Variants in DLG2 observed in about 807,000 individuals in gnomAD.
DLG2 encodes the protein discs large MAGUK scaffold protein 2.
In DLG2, 45 loss-of-function variants were observed where a neutral mutation model predicts 132.5. That is an observed-to-expected ratio of 0.34 (90% confidence interval 0.27 to 0.44). The LOEUF is 0.44. Ranked by LOEUF, DLG2 falls within the 20% of genes least tolerant of loss-of-function variation. The pLI, the probability that DLG2 is intolerant of heterozygous loss-of-function variation, is 1.00. For missense variants in DLG2, 1,045 were observed against 1,196.9 expected (o/e 0.87, Z 1.87); for synonymous variants, 424 against 419.6 (o/e 1.01, Z -0.13).
At chr11:84,955,376 GC>G (rs2051512612) in intron 6 of DLG2, 1 of 152,112 alleles carries the variant, frequency 6.6e-6, no homozygotes, top group African/African-American at 2.4e-5. Context: ...TAAGTAACTG[GC>G]CCAAGATTAC....
chr11:85,008,822 A>G (rs1164087016), intron 6 of DLG2, among the ~76,000 whole-genome samples: 1 of 152,132 alleles, frequency 6.6e-6, no homozygotes, highest in Non-Finnish European at 1.5e-5. Context: ...CAAATAAACA[A>G]GAACATTTCA....
chr11:83,522,381 G>A (rs1035449063), intron 21 of DLG2, among the ~76,000 whole-genome samples: 2 of 152,004 alleles, frequency 1.3e-5, no homozygotes, highest in Non-Finnish European at 2.9e-5. Flanking sequence ...ATTCATCTAC[G>A]TCTCCACCCA....
Position 84,163,480 on chromosome 11 carries a change from T to G in DLG2, c.605A>C (p.Glu202Ala). 6.2e-7 allele frequency: 1 copy of G among 1,607,294 alleles called. No individual in the cohort carries two copies. Among genetic ancestry groups the G allele is most frequent in the Non-Finnish European group, 8.5e-7 (1 of 1,177,618 alleles). ...VNGTEIEYEFEEITLERGNSG... is the reference protein window; with the variant it reads ...VNGTEIEYEFAEITLERGNSG... ...TCTTACCCTCTCCAGTGTAATTTCT[T>G]CAAATTCATATTCAATTTCTGTCCC... Residue 202 changes from glutamate to alanine, a missense_variant, in exon 9 of 28, where the codon GAA becomes GCA. Coordinates refer to ENST00000376104, the MANE Select transcript of DLG2 (RefSeq NM_001142699.3).
At chr11:85,581,421 G>A (rs1590985090) in intron 3 of DLG2, among the ~76,000 whole-genome samples, 1 of 151,610 alleles carries the variant, frequency 6.6e-6, no homozygotes, top group Non-Finnish European at 1.5e-5. Flanking sequence ...ACCAGCCTGG[G>A]CAACATGGTG....
At chr11:84,276,240 G>A (rs2097782104) in intron 7 of DLG2, among the ~76,000 whole-genome samples, 1 of 152,088 alleles carries the variant, frequency 6.6e-6, no homozygotes, top group Non-Finnish European at 1.5e-5. Flanking sequence ...TTTGAAATAG[G>A]CACATTGATA....
intron 17 of DLG2, among the ~76,000 whole-genome samples, chr11:83,795,600 C>T (rs1364495933): frequency 6.6e-6 from 1 of 152,074 alleles, no homozygotes; most frequent in East Asian, 1.9e-4. Flanking sequence ...CTGTTTTTCA[C>T]ATCTTAATGT....
At chr11:85,436,686 T>A (rs990539278) in intron 3 of DLG2, among the ~76,000 whole-genome samples, 2 of 152,200 alleles carry the variant, frequency 1.3e-5, no homozygotes, top group Admixed American at 6.5e-5. Context: ...AAAACAGGAA[T>A]GCTTTTACAC....
chr11:83,759,067 A>G (rs1362695619), intron 18 of DLG2, among the ~76,000 whole-genome samples: 2 of 152,232 alleles, frequency 1.3e-5, no homozygotes, highest in African/African-American at 4.8e-5. Context: ...AATATATTTC[A>G]GACACCGGAA....
At chr11:83,614,373 C>A (rs12280583) in intron 19 of DLG2, among the ~76,000 whole-genome samples, 28,511 of 152,056 alleles carry the variant, frequency 0.19, 2,827 homozygotes, top group African/African-American at 0.19. Context: ...TCTTTCTTAG[C>A]ACATTCAAGA....
At chr11:85,085,349 A>G (rs1277128270) in intron 6 of DLG2, among the ~76,000 whole-genome samples, 3 of 152,128 alleles carry the variant, frequency 2.0e-5, no homozygotes, top group Non-Finnish European at 4.4e-5. Flanking sequence ...TCTCAAGGAC[A>G]TCTCATGATG....
intron 4 of DLG2, among the ~76,000 whole-genome samples, chr11:85,238,159 G>A (rs1204195310): frequency 6.7e-6 from 1 of 150,136 alleles, no homozygotes; most frequent in Non-Finnish European, 1.5e-5. Context: ...ATTGGTCAGA[G>A]GCTGCTTTTC....
intron 11 of DLG2, among the ~76,000 whole-genome samples, chr11:84,048,658 C>G (rs2096288051): frequency 6.6e-6 from 1 of 151,688 alleles, no homozygotes; most frequent in South Asian, 2.1e-4. Flanking sequence ...TCCCCTGATA[C>G]AGTAAACGGT....
chr11:83,995,652 C>G (rs1359558692), intron 11 of DLG2, among the ~76,000 whole-genome samples: 1 of 152,088 alleles, frequency 6.6e-6, no homozygotes, highest in Non-Finnish European at 1.5e-5. Context: ...ACAGAATAGA[C>G]AGCCCAGAAA....
intron 10 of DLG2, among the ~76,000 whole-genome samples, chr11:84,061,908 A>C (rs1315706070): frequency 6.6e-6 from 1 of 151,616 alleles, no homozygotes; most frequent in African/African-American, 2.4e-5. Context: ...GAATGTAGGC[A>C]TCATGGGTGC....
chr11:85,118,203 C>G (rs1240524997), intron 5 of DLG2, among the ~76,000 whole-genome samples: 1 of 152,024 alleles, frequency 6.6e-6, no homozygotes, highest in Non-Finnish European at 1.5e-5. Flanking sequence ...CTTACTAAAA[C>G]TGAAGCCATG....
intron 7 of DLG2, among the ~76,000 whole-genome samples, chr11:84,401,845 G>C (rs1352394824): frequency 9.9e-5 from 15 of 152,004 alleles, no homozygotes; most frequent in Non-Finnish European, 1.5e-4. Flanking sequence ...ACCACACCAG[G>C]CTAATTGTAT....
chr11:85,045,881 A>G (rs1307919256), intron 6 of DLG2, among the ~76,000 whole-genome samples: 1 of 152,048 alleles, frequency 6.6e-6, no homozygotes, highest in Non-Finnish European at 1.5e-5. Context: ...TCTCTACAGG[A>G]TTTTAAACAT....
At chr11:83,663,651 T>C (rs367756068) in intron 18 of DLG2, among the ~76,000 whole-genome samples, 3 of 152,190 alleles carry the variant, frequency 2.0e-5, no homozygotes, top group Non-Finnish European at 2.9e-5. Context: ...CCTTTGCAGA[T>C]TGTATGCTCT....
At chr11:84,180,273 G>T (rs144631997) in intron 8 of DLG2, among the ~76,000 whole-genome samples, 1 of 151,978 alleles carries the variant, frequency 6.6e-6, no homozygotes, top group Non-Finnish European at 1.5e-5. Flanking sequence ...GCTGAGAAAA[G>T]AATCCCTTAG....
Sources: allele counts gnomAD v4.1 joint callset (sites outside exome capture counted in the v4.1 genomes callset), GRCh38; gene constraint gnomAD v4.1.1; transcripts MANE v1.5; gene names NCBI Gene and HGNC (gene_info 2026-07-23, HGNC 2026-07-21).